The following MYBL2 variants were observed in gnomAD, a reference collection of about 807,000 sequenced individuals.
The protein encoded by MYBL2 is MYB proto-oncogene like 2, also known as myb-related protein B.
In MYBL2, 28 loss-of-function variants were observed where a neutral mutation model predicts 79.9. The observed-to-expected ratio is 0.35, with a 90% CI of 0.26 to 0.48. MYBL2 has a LOEUF of 0.48. MYBL2 is among the 20% of genes least tolerant of loss of function. The probability of loss-of-function intolerance (pLI) is 0.99; values close to 1 mark genes in which losing one functional copy is unlikely to be tolerated. For missense variants in MYBL2, 735 were observed against 893.9 expected (o/e 0.82, Z 2.27); for synonymous variants, 378 against 361.2 (o/e 1.05, Z -0.53).
intron 2 of MYBL2, among the ~76,000 whole-genome samples, chr20:43,677,261 G>A (rs1053377991): frequency 2.6e-5 from 4 of 152,166 alleles, no homozygotes; most frequent in Admixed American, 1.3e-4. Context: ...CCGTGTGCAG[G>A]TCCCTGGAAT....
Position 43,716,015 on chromosome 20 carries a change from G to A in MYBL2, c.2031G>A (p.Met677Ile). 6.2e-7 allele frequency: 1 copy of A among 1,612,106 alleles called. No individual in the cohort carries two copies. The highest frequency in any genetic ancestry group is 8.5e-7 in the Non-Finnish European group (1 of 1,179,862). Residue 677 changes from methionine (M) to isoleucine (I), a missense_variant, in exon 14 of 14, where the codon ATG (methionine) becomes ATA (isoleucine). Transcript: ENST00000217026. ...ACGGTRDQLF[M>I]QEKARQLLGR... ...GGGGGACCAGGGACCAGCTTTTCAT[G>A]CAGGAGAAAGCCCGGCAGCTCCTGG...
At chr20:43,670,302 T>C (rs921822316) in intron 1 of MYBL2, among the ~76,000 whole-genome samples, 16 of 152,180 alleles carry the variant, frequency 1.1e-4, no homozygotes, top group Non-Finnish European at 2.1e-4. Context: ...CATTCTGTTA[T>C]TAGTATCTTC....
chr20:43,677,427 G>T (rs77182904), intron 2 of MYBL2, among the ~76,000 whole-genome samples: 147 of 152,358 alleles, frequency 9.6e-4, no homozygotes, highest in African/African-American at 3.4e-3. Flanking sequence ...CTTATGTGGA[G>T]AAAGTGACCT....
intron 12 of MYBL2, 112 bp downstream of exon 12, chr20:43,713,218 G>C (rs1987951727): frequency 1.5e-6 from 1 of 653,994 alleles, no homozygotes; most frequent in Non-Finnish European, 2.6e-6. Context: ...GCAGGGAGGG[G>C]CTATCAGGGA....
At chr20:43,691,252 G>A (rs1220198908) in intron 5 of MYBL2, among the ~76,000 whole-genome samples, 2 of 152,162 alleles carry the variant, frequency 1.3e-5, no homozygotes, top group Admixed American at 1.3e-4. Context: ...AAGTGGGCAG[G>A]GAAGGGGGTG....
chr20:43,681,683 G>C (rs1987146105), intron 2 of MYBL2, 101 bp from the exon 3 acceptor site: 5 of 1,202,696 alleles, frequency 4.2e-6, no homozygotes, highest in South Asian at 3.7e-5. Flanking sequence ...ATGACGGAAT[G>C]GATGAACGAG....
At chr20:43,691,837 C>A (rs915918582) in intron 5 of MYBL2, among the ~76,000 whole-genome samples, 2 of 150,828 alleles carry the variant, frequency 1.3e-5, no homozygotes, top group African/African-American at 4.9e-5. Flanking sequence ...CCACCGCACT[C>A]GGCAATTTTT....
intron 8 of MYBL2, 144 bp downstream of exon 8, chr20:43,703,047 C>A: frequency 2.2e-6 from 2 of 925,902 alleles, no homozygotes; most frequent in African/African-American, 1.7e-5. Flanking sequence ...CTAAAAAAGA[C>A]TCAGAAAATG....
At chr20:43,668,295 G>A (rs1986773113) in intron 1 of MYBL2, among the ~76,000 whole-genome samples, 1 of 146,214 alleles carries the variant, frequency 6.8e-6, no homozygotes, top group Non-Finnish European at 1.5e-5. Context: ...CCGCCTCCCA[G>A]GTTCAAGCGA....
intron 4 of MYBL2, among the ~76,000 whole-genome samples, chr20:43,686,051 A>G (rs1383190329): frequency 2.6e-5 from 4 of 152,190 alleles, no homozygotes; most frequent in African/African-American, 4.8e-5. Context: ...AAAAATAAAT[A>G]AAAAATAAAA....
chr20:43,705,456 C>A, intron 9 of MYBL2, 98 bp downstream of exon 9: 1 of 1,369,844 alleles, frequency 7.3e-7, no homozygotes, highest in Middle Eastern at 2.6e-4. Flanking sequence ...GGAGGGGGCA[C>A]CCTTGGAATA....
At chr20:43,696,221 A>T (rs1359549337) in intron 6 of MYBL2, among the ~76,000 whole-genome samples, 3 of 151,874 alleles carry the variant, frequency 2.0e-5, no homozygotes, top group African/African-American at 7.3e-5. Context: ...GCAATGCAGA[A>T]GGTTGAGCCT....
intron 9 of MYBL2, among the ~76,000 whole-genome samples, chr20:43,708,713 C>T (rs1025906448): frequency 1.3e-5 from 2 of 152,198 alleles, no homozygotes; most frequent in African/African-American, 2.4e-5. Context: ...GGATTACAGG[C>T]GTGAACCACT....
intron 1 of MYBL2, among the ~76,000 whole-genome samples, chr20:43,673,377 C>G (rs1340514205): frequency 1.3e-5 from 2 of 151,656 alleles, no homozygotes; most frequent in African/African-American, 4.8e-5. Context: ...TGGCTCATGC[C>G]TATAGTCCCA....
intron 7 of MYBL2, among the ~76,000 whole-genome samples, chr20:43,702,268 C>T (rs1987689728): frequency 6.6e-6 from 1 of 152,120 alleles, no homozygotes; most frequent in Non-Finnish European, 1.5e-5. Flanking sequence ...TACTGTACTC[C>T]AGCGTAGGCA....
chr20:43,680,269 C>T (rs1987113416), intron 2 of MYBL2, among the ~76,000 whole-genome samples: 2 of 151,842 alleles, frequency 1.3e-5, no homozygotes, highest in African/African-American at 2.4e-5. Context: ...CTCAGGTGAT[C>T]CACCTGCCTC....
At chr20:43,705,534 T>C (rs534620538) in intron 9 of MYBL2, among the ~76,000 whole-genome samples, 176 bp downstream of exon 9, 68 of 152,294 alleles carry the variant, frequency 4.5e-4, no homozygotes, top group South Asian at 6.2e-4. Flanking sequence ...TTTATCGATA[T>C]AGTTTTGGGC....
At chr20:43,682,739 G>T (rs368713379) in intron 3 of MYBL2, 55 bp from the exon 4 acceptor site, 1 of 1,567,790 alleles carries the variant, frequency 6.4e-7, no homozygotes, top group Non-Finnish European at 8.8e-7. Context: ...CAGGCCCCCA[G>T]CCCGAGGTCC....
In MYBL2 at chr20:43,715,165, T is replaced by C. The variant is rs765527259; in HGVS notation, c.1856T>C (p.Leu619Pro). 117 of 1,614,100 alleles carry C rather than the reference T, an allele frequency of 7.2e-5. No homozygotes were observed. In the Admixed American group the frequency reaches 1.9e-3, roughly 26 times the overall value. Residue 619 changes from leucine to proline, a missense_variant, in exon 13 of 14, where the codon CTC becomes CCC. Coordinates refer to ENST00000217026, the MANE Select transcript of MYBL2 (RefSeq NM_002466.4). ...ACTGCCCCTTCAAACTCTTCCAGCC[T>C]CACCCTGTCAGGTATCAAAGAAGAC... ...PTTAPSNSSS[L>P]TLSGIKEDNS...
Sources: allele counts gnomAD v4.1 joint callset (sites outside exome capture counted in the v4.1 genomes callset), GRCh38; gene constraint gnomAD v4.1.1; transcripts MANE v1.5; gene names NCBI Gene and HGNC (gene_info 2026-07-23, HGNC 2026-07-21).